FAM83A: variants seen among roughly 807,000 people sequenced by gnomAD.
FAM83A encodes the protein scaffolding CK1 anchoring protein A.
In FAM83A, 21 loss-of-function variants were observed where a neutral mutation model predicts 24.4. The observed-to-expected ratio is 0.86, with a 90% CI of 0.61 to 1.24. The LOEUF is 1.24. Ranked by LOEUF, FAM83A falls within the 50% of genes most tolerant of loss-of-function variation. The pLI is 0.00. For missense variants in FAM83A, 617 were observed against 579.8 expected (o/e 1.06, Z -0.66); for synonymous variants, 270 against 252.4 (o/e 1.07, Z -0.66).
At chr8:123,182,673 T>G in exon 1 of FAM83A, 1 of 906,970 alleles carries the variant, frequency 1.1e-6, no homozygotes, top group Non-Finnish European at 1.7e-6. Flanking sequence ...TGAGGAGTTC[T>G]GAGAAGCATT....
At chr8:123,199,741 A>AG (rs762445164) in intron 3 of FAM83A, 2 of 152,372 alleles carry the variant, frequency 1.3e-5, no homozygotes, top group Non-Finnish European at 2.9e-5. Flanking sequence ...TCTCAAAAAA[A>AG]AAAGAAAGAA....
chr8:123,186,945 C>T (rs962932963), intron 1 of FAM83A, among the ~76,000 whole-genome samples: 1 of 152,166 alleles, frequency 6.6e-6, no homozygotes, highest in Non-Finnish European at 1.5e-5. Flanking sequence ...CCACCTGCTC[C>T]TTAGGAGAGA....
Position 123,207,512 on chromosome 8 carries a change from GGAGCCCC to G in FAM83A, c.1133_1139del (p.Ala378ValfsTer41). The G allele has an allele frequency of 6.3e-7, 1 of 1,574,904 alleles. No individual in the cohort carries two copies. Among genetic ancestry groups the G allele is most frequent in the Non-Finnish European group, 8.6e-7 (1 of 1,166,152 alleles). On this transcript the variant is annotated frameshift_variant, in exon 4 of 4. Transcript: ENST00000690554. LOFTEE classifies it low-confidence loss of function (END_TRUNC). ...GTTCCAGCCCCACCAAGGCCCTTGGGGAGCCCCGAGTCCCCAGGCCCACCTCTCCCCG... is the reference window on the plus strand; with the variant it reads ...GTTCCAGCCCCACCAAGGCCCTTGGGGAGTCCCCAGGCCCACCTCTCCCCG...
At chr8:123,201,873 G>C (rs906580475) in intron 3 of FAM83A, 1 of 152,346 alleles carries the variant, frequency 6.6e-6, no homozygotes, top group Non-Finnish European at 1.5e-5. Flanking sequence ...CAGGAGCTAA[G>C]GAAGTGCTCT....
intron 1 of FAM83A, among the ~76,000 whole-genome samples, chr8:123,188,545 G>A (rs1823878954): frequency 6.6e-6 from 1 of 151,156 alleles, no homozygotes; most frequent in South Asian, 2.1e-4. Context: ...GTGCGGTGGT[G>A]AGATGTCGGC....
At chr8:123,187,888 T>G (rs1823857216) in intron 1 of FAM83A, among the ~76,000 whole-genome samples, 1 of 152,022 alleles carries the variant, frequency 6.6e-6, no homozygotes, top group African/African-American at 2.4e-5. Flanking sequence ...TGAGACTGAG[T>G]CTCGCTCTGT....
intron 1 of FAM83A, among the ~76,000 whole-genome samples, chr8:123,187,572 T>G (rs148250242): frequency 9.8e-5 from 15 of 152,366 alleles, no homozygotes; most frequent in African/African-American, 3.6e-4. Flanking sequence ...ATGGGCTTAT[T>G]ACTGATATTT....
intron 3 of FAM83A, among the ~76,000 whole-genome samples, chr8:123,197,717 G>T (rs1824205793): frequency 6.6e-6 from 1 of 152,228 alleles, no homozygotes; most frequent in African/African-American, 2.4e-5. Context: ...AGGAGGTTGA[G>T]CCAAGGGCTA....
At chr8:123,193,992 A>G in intron 2 of FAM83A, 32 bp from the exon 3 acceptor site, 1 of 1,613,574 alleles carries the variant, frequency 6.2e-7, no homozygotes, top group East Asian at 2.2e-5. Context: ...AAACAGAATT[A>G]GGAAGTGACA....
chr8:123,185,415 C>G (rs1411053707), intron 1 of FAM83A, among the ~76,000 whole-genome samples: 1 of 152,202 alleles, frequency 6.6e-6, no homozygotes, highest in Non-Finnish European at 1.5e-5. Context: ...AACACAGTCC[C>G]CTGGCTGAGT....
intron 3 of FAM83A, among the ~76,000 whole-genome samples, chr8:123,203,129 CA>C (rs1824414556): frequency 6.6e-6 from 1 of 151,142 alleles, no homozygotes; most frequent in African/African-American, 2.4e-5. Flanking sequence ...CATTTGTTTA[CA>C]AATCGACTTG....
At chr8:123,204,947 A>T (rs1824490499) in intron 3 of FAM83A, among the ~76,000 whole-genome samples, 1 of 151,926 alleles carries the variant, frequency 6.6e-6, no homozygotes, top group Non-Finnish European at 1.5e-5. Context: ...CCCTGTCTCT[A>T]CTAAAAATAC....
exon 4 of FAM83A, chr8:123,207,509 T>C (rs1824599641): frequency 6.3e-7 from 1 of 1,575,152 alleles, no homozygotes; most frequent in East Asian, 2.3e-5. Flanking sequence ...CCAAGGCCCT[T>C]GGGGAGCCCC....
At chr8:123,198,947 C>A (rs191498362) in intron 3 of FAM83A, among the ~76,000 whole-genome samples, 1 of 152,082 alleles carries the variant, frequency 6.6e-6, no homozygotes, top group Non-Finnish European at 1.5e-5. Context: ...ACTGTGTTGG[C>A]CAGGCTGGTC....
At chr8:123,207,432 C>A in exon 4 of FAM83A, 1 of 1,608,500 alleles carries the variant, frequency 6.2e-7, no homozygotes, top group South Asian at 1.1e-5. Context: ...CGAAGTGTGT[C>A]CGCGTCTTCA....
rs75347751 is a variant in FAM83A, at chr8:123,199,362, T to C, written c.773+5214T>C. 5.6e-3 allele frequency among the ~76,000 whole-genome samples: 857 copies of C among 152,354 alleles called. 4 individuals are homozygous for C. Among genetic ancestry groups the C allele is most frequent in the African/African-American group, 0.017 (712 of 41,576 alleles). On this transcript the variant is annotated intron_variant, in intron 3 of 3. Coordinates refer to ENST00000690554, the Ensembl canonical transcript of FAM83A. ...GCCGTGATTATTACTGTTACCAGCA[T>C]TTTTATGCTTAACTAACATTGGTCT... is the stretch of plus-strand genomic sequence containing the variant.
chr8:123,182,822 C>A (rs755245395), exon 1 of FAM83A: 6 of 1,511,986 alleles, frequency 4.0e-6, no homozygotes, highest in Non-Finnish European at 2.7e-6. Flanking sequence ...AGCTGACGTG[C>A]CAGCCTCCCC....
exon 4 of FAM83A, chr8:123,208,055 G>A: frequency 9.4e-7 from 1 of 1,058,316 alleles, no homozygotes; most frequent in Non-Finnish European, 1.1e-6. Flanking sequence ...TTACAAATGG[G>A]TAAACAGAGG....
Position 123,207,390 on chromosome 8 carries a change from G to GCGGCCGCT in FAM83A, c.1012_1019dup (p.Gly341AlafsTer83). On this transcript the variant is annotated frameshift_variant, in exon 4 of 4. Coordinates refer to ENST00000690554, the Ensembl canonical transcript of FAM83A. LOFTEE classifies it low-confidence loss of function (END_TRUNC). ...GACCGCACGTCCTCCAACCCCTTCA[G>GCGGCCGCT]CGGCCGCTCGGCAGGCAGCCACCCC... 1 of 1,611,264 alleles carries GCGGCCGCT rather than the reference G, an allele frequency of 6.2e-7. No individual in the cohort carries two copies. The highest frequency in any genetic ancestry group is 1.7e-5 in the Admixed American group (1 of 59,934).
Sources: allele counts gnomAD v4.1 joint callset (sites outside exome capture counted in the v4.1 genomes callset), GRCh38; gene constraint gnomAD v4.1.1; transcripts MANE v1.5; gene names NCBI Gene and HGNC (gene_info 2026-07-23, HGNC 2026-07-21).